The following MAP3K2 variants were observed in gnomAD, a reference collection of about 807,000 sequenced individuals.
The protein encoded by MAP3K2 is mitogen-activated protein kinase kinase kinase 2, also known as MAP/ERK kinase kinase 2.
In MAP3K2, 24 loss-of-function variants were observed where a neutral mutation model predicts 80.3. The observed-to-expected ratio is 0.30, with a 90% CI of 0.22 to 0.42. The LOEUF is 0.42. MAP3K2 is among the 10% of genes least tolerant of loss of function. The pLI is 1.00. For missense variants in MAP3K2, 608 were observed against 750.1 expected, an observed-to-expected ratio of 0.81 and a Z score of 2.21; for synonymous variants, 244 against 253.7, an observed-to-expected ratio of 0.96 and a Z score of 0.36.
Position 127,338,012 on chromosome 2 carries a change from T to C in MAP3K2, c.124-234A>G, listed in dbSNP as rs56273408. ...CAACAGGAAAGAACACCAAGATCTA[T>C]TAGTGAAGGTACCAGGAGTATGAGA... On this transcript the variant is annotated intron_variant, in intron 3 of 16. Transcript: ENST00000682094. Among the ~76,000 whole-genome samples, 49,038 of 152,046 alleles carry C rather than the reference T, an allele frequency of 0.32. 8,410 individuals carry two copies. Among genetic ancestry groups the C allele is most frequent in the African/African-American group, 0.4 (16,524 of 41,474 alleles).
chr2:127,325,127 T>G (rs1418507776), intron 9 of MAP3K2, among the ~76,000 whole-genome samples: 1 of 152,224 alleles, frequency 6.6e-6, no homozygotes, highest in Non-Finnish European at 1.5e-5. Flanking sequence ...TAAATGTACA[T>G]AAATTCTAAA....
At position 127,314,750 on chromosome 2, in the gene MAP3K2, T is replaced by C. The variant is rs1204375494; in HGVS notation, c.1456+4A>G. 5 of 1,597,872 alleles carry C rather than the reference T, an allele frequency of 3.1e-6. No individual in the cohort carries two copies. Among genetic ancestry groups the C allele is most frequent in the Non-Finnish European group, 4.3e-6 (5 of 1,169,898 alleles). On this transcript the variant is annotated splice_donor_region_variant and intron_variant, in intron 15 of 16. Coordinates refer to ENST00000682094, the MANE Select transcript of MAP3K2 (RefSeq NM_001371910.2). ...CTTAAAATAGAAAATACCTCATTAC[T>C]TACCTTTGATATCTCTATGGACAAT...
intron 1 of MAP3K2, among the ~76,000 whole-genome samples, chr2:127,354,229 G>A (rs1258933619): frequency 6.6e-4 from 21 of 32,002 alleles, no homozygotes; most frequent in Admixed American, 1.5e-3. Flanking sequence ...AAACACCCAA[G>A]AATGATCAAT....
chr2:127,326,906 T>C (rs1011852035), intron 7 of MAP3K2, 89 bp from the exon 8 acceptor site: 1 of 760,518 alleles, frequency 1.3e-6, no homozygotes, highest in African/African-American at 1.8e-5. Context: ...ATTATATCAT[T>C]AATAATTTCA....
At position 127,369,144 on chromosome 2, in the gene MAP3K2, G is replaced by A. The variant is rs369431860; in HGVS notation, c.-66+18308C>T. 1.6e-4 allele frequency among the ~76,000 whole-genome samples: 24 copies of A among 150,576 alleles called. No homozygotes were observed. The East Asian group carries it at 3.2e-3, about 20-fold the overall frequency. ...TTTTTGCATTTTTAGTAAAGACAGG[G>A]TTTCACCATATTGGCCAGGCTGGTC... On this transcript the variant is annotated intron_variant, in intron 1 of 16. Transcript: ENST00000682094.
At chr2:127,316,512 G>A (rs1312284676) in intron 14 of MAP3K2, among the ~76,000 whole-genome samples, 1 of 152,112 alleles carries the variant, frequency 6.6e-6, no homozygotes, top group African/African-American at 2.4e-5. Flanking sequence ...AACTCCTAAT[G>A]AAATTATAGA....
At position 127,339,039 on chromosome 2, in the gene MAP3K2, C is replaced by T. The variant is rs1686427110; in HGVS notation, c.16G>A (p.Ala6Thr). 6.2e-7 allele frequency: 1 copy of T among 1,607,696 alleles called. No homozygotes were observed. Among genetic ancestry groups the T allele is most frequent in the South Asian group, 1.1e-5 (1 of 89,832 alleles). ...AAATCTTGCATGATTGAGTTCAAAG[C>T]TTGCTGATCATCTAGGTAGTTTTGA... is the stretch of plus-strand genomic sequence containing the variant. MDDQQ[A>T]LNSIMQDLAV... Residue 6 changes from alanine to threonine, a missense_variant, in exon 3 of 17, where the codon GCT (alanine) becomes ACT (threonine). This residue lies in a region of MAP3K2 where 467 missense variants were observed against 521.9 expected (regional missense o/e 0.89). Coordinates refer to ENST00000682094, the MANE Select transcript of MAP3K2 (RefSeq NM_001371910.2). This position sits in a 1 kb window ranked among gnomAD's most constrained non-coding sequence, Gnocchi z 4.2.
chr2:127,328,348 G>A (rs1038851374), intron 7 of MAP3K2, among the ~76,000 whole-genome samples: 1 of 152,034 alleles, frequency 6.6e-6, no homozygotes, highest in Non-Finnish European at 1.5e-5. Flanking sequence ...TAAGAAATGG[G>A]GATAAAGAAA....
chr2:127,368,794 T>G (rs564031627), intron 1 of MAP3K2, among the ~76,000 whole-genome samples: 2 of 152,226 alleles, frequency 1.3e-5, no homozygotes, highest in Admixed American at 1.3e-4. Flanking sequence ...TTTTTCTTTT[T>G]GAGATGAGGT....
intron 12 of MAP3K2, among the ~76,000 whole-genome samples, chr2:127,320,782 T>C (rs1003265750): frequency 6.6e-6 from 1 of 152,076 alleles, no homozygotes; most frequent in African/African-American, 2.4e-5. Flanking sequence ...AGATTTCTCT[T>C]CAGGAAGTAT....
chr2:127,342,333 GAA>G (rs56282236), intron 2 of MAP3K2, among the ~76,000 whole-genome samples: 36,583 of 151,790 alleles, frequency 0.24, 4,626 homozygotes, highest in Middle Eastern at 0.31. Context: ...GACACACAGT[GAA>G]AGTGTCCTAG....
At position 127,387,777 on chromosome 2, in the gene MAP3K2, G is replaced by A. The variant is rs1687398155; in HGVS notation, c.-391C>T. On this transcript the variant is annotated 5_prime_UTR_variant, in exon 1 of 17. Coordinates refer to ENST00000682094, the MANE Select transcript of MAP3K2 (RefSeq NM_001371910.2). ...CTGGGCAGGAAAGGAGGAAGCCGCG[G>A]GCCCGCGTCGCTAGAGACCGGAGAA... is the stretch of plus-strand genomic sequence containing the variant. 2.0e-6 allele frequency: 2 copies of A among 985,194 alleles called. No homozygotes were observed. Among genetic ancestry groups the A allele is most frequent in the South Asian group, 4.7e-5 (1 of 21,286 alleles). 61.0% of individuals were successfully genotyped at this position (985,194 alleles called of 1,614,324 possible). A position where few individuals can be genotyped will look rare whatever the true frequency, so the allele number is the denominator to read the frequency against.
intron 1 of MAP3K2, among the ~76,000 whole-genome samples, chr2:127,354,021 T>G (rs1686752942): frequency 6.6e-6 from 1 of 151,982 alleles, no homozygotes; most frequent in African/African-American, 2.4e-5. Flanking sequence ...AGATGTGCTT[T>G]GTTAAACAGA....
intron 9 of MAP3K2, among the ~76,000 whole-genome samples, chr2:127,325,010 C>A (rs935174041): frequency 6.6e-6 from 1 of 152,040 alleles, no homozygotes; most frequent in African/African-American, 2.4e-5. Context: ...TAATCTGGTG[C>A]CAGAATGAAC....
Position 127,300,683 on chromosome 2 carries a change from TTAA to T in MAP3K2, c.*6893_*6895del, listed in dbSNP as rs1685575036. 1 of 152,178 alleles carries T rather than the reference TTAA, an allele frequency of 6.6e-6. No homozygotes were observed. The highest frequency in any genetic ancestry group is 1.5e-5 in the Non-Finnish European group (1 of 68,010). The allele number at this position is 152,178 out of a possible 1,614,324, so 9.4% of individuals were successfully genotyped here. On this transcript the variant is annotated 3_prime_UTR_variant, in exon 17 of 17. Coordinates refer to ENST00000682094, the MANE Select transcript of MAP3K2 (RefSeq NM_001371910.2). ...AAACCATTTACTAATTAAGATTGCA[TTAA>T]AACAATTGTTGGTCTTTAAAGAAGT...
chr2:127,317,399 G>A (rs1286679208), intron 14 of MAP3K2, among the ~76,000 whole-genome samples: 1 of 152,106 alleles, frequency 6.6e-6, no homozygotes, highest in Non-Finnish European at 1.5e-5. Context: ...ATCTGAAGAT[G>A]GGCTGCTAAG....
intron 1 of MAP3K2, 98 bp downstream of exon 1, chr2:127,387,354 C>G: frequency 2.5e-6 from 1 of 393,768 alleles, no homozygotes; most frequent in Non-Finnish European, 3.4e-6. Flanking sequence ...CCGCCGCCAG[C>G]CCCCCTCCCG....
intron 1 of MAP3K2, among the ~76,000 whole-genome samples, chr2:127,352,243 G>A (rs1469155327): frequency 3.3e-5 from 5 of 152,046 alleles, no homozygotes; most frequent in East Asian, 3.9e-4. Context: ...TGCTACTTCC[G>A]CCAAGACTAA....
At chr2:127,348,344 C>T (rs1317331259) in intron 1 of MAP3K2, among the ~76,000 whole-genome samples, 2 of 152,062 alleles carry the variant, frequency 1.3e-5, no homozygotes, top group African/African-American at 2.4e-5. Context: ...GCCCACATTA[C>T]GCCACTACAC....
Sources: allele counts gnomAD v4.1 joint callset (sites outside exome capture counted in the v4.1 genomes callset), GRCh38; gene constraint gnomAD v4.1.1; regional missense constraint gnomAD v4.1.1; non-coding constraint Gnocchi (gnomAD v3.1); transcripts MANE v1.5; gene names NCBI Gene and HGNC (gene_info 2026-07-23, HGNC 2026-07-21).